Variants in SLC38A6 observed in about 807,000 individuals in gnomAD.
SLC38A6 encodes solute carrier family 38 member 6, also known as N system amino acid transporter NAT-1.
SLC38A6 carries 73 observed loss-of-function variants against 65.0 expected under a neutral mutation model. The observed-to-expected ratio is 1.12, with a 90% confidence interval of 0.93 to 1.37. The LOEUF (loss-of-function observed/expected upper bound fraction) is 1.37, where lower values mean the gene tolerates loss of function less well. Ranked by LOEUF, SLC38A6 falls within the 40% of genes most tolerant of loss-of-function variation. SLC38A6 has a pLI of 0.00. For synonymous variants in SLC38A6, 183 were observed against 178.8 expected (o/e 1.02, Z -0.19); for missense variants, 561 against 531.1 (o/e 1.06, Z -0.55).
chr14:61,078,665 G>T (rs1364011228), intron 15 of SLC38A6: 1 of 153,184 alleles, frequency 6.5e-6, no homozygotes, highest in Non-Finnish European at 1.4e-5. Flanking sequence ...CTGGGCATAT[G>T]AGGAACTTTT....
At chr14:61,037,536 T>A (rs2041479226) in intron 7 of SLC38A6, 89 bp from the exon 8 acceptor site, 3 of 889,202 alleles carry the variant, frequency 3.4e-6, no homozygotes, top group African/African-American at 3.4e-5. Flanking sequence ...ACCACTATAA[T>A]AGAAAACATG....
chr14:61,052,044 C>T lies in SLC38A6; in HGVS notation c.1199C>T (p.Ala400Val). The change falls in exon 15 of 16, where the codon GCC (alanine) becomes GTC (valine). Residue 400 changes from alanine to valine, a missense_variant. Physicochemically the swap from Ala to Val is moderately conservative, Grantham distance 64. Transcript: ENST00000267488. ...DIRNVFGVVG[A>V]STSTCLIFIF... Reference sequence around the variant, plus strand: ...TTTTTTTCCCTCCACTTTAAAGGTGCCAGTACATCAACATGTTTGATTTTT... The same window carrying T: ...TTTTTTTCCCTCCACTTTAAAGGTGTCAGTACATCAACATGTTTGATTTTT... The T allele has an allele frequency of 6.3e-7, 1 of 1,599,276 alleles. No individual in the cohort carries two copies. The highest frequency in any genetic ancestry group is 8.5e-7 in the Non-Finnish European group (1 of 1,175,362).
intron 3 of SLC38A6, among the ~76,000 whole-genome samples, chr14:61,002,856 A>G (rs570546122): frequency 6.6e-6 from 1 of 152,202 alleles, no homozygotes; most frequent in African/African-American, 2.4e-5. Flanking sequence ...CATGCCAAGT[A>G]CTGTTTGTAT....
chr14:61,063,577 AAGT>A (rs1178703995), intron 15 of SLC38A6, among the ~76,000 whole-genome samples: 2 of 152,208 alleles, frequency 1.3e-5, no homozygotes, highest in Non-Finnish European at 2.9e-5. Context: ...TACACATGTA[AAGT>A]AGAGAATTGC....
At chr14:61,006,103 G>A (rs1291473428) in intron 3 of SLC38A6, among the ~76,000 whole-genome samples, 1 of 152,176 alleles carries the variant, frequency 6.6e-6, no homozygotes, top group African/African-American at 2.4e-5. Flanking sequence ...AATAAATGGT[G>A]CTGGGAAAAC....
At chr14:61,037,875 G>A (rs1335565243) in intron 8 of SLC38A6, among the ~76,000 whole-genome samples, 192 bp downstream of exon 8, 1 of 152,134 alleles carries the variant, frequency 6.6e-6, no homozygotes, top group Non-Finnish European at 1.5e-5. Context: ...AGCTAGAACA[G>A]CATTTCAAAT....
At chr14:61,064,430 C>T (rs2042958433) in intron 15 of SLC38A6, among the ~76,000 whole-genome samples, 1 of 151,974 alleles carries the variant, frequency 6.6e-6, no homozygotes, top group Non-Finnish European at 1.5e-5. Flanking sequence ...TCAATTAATA[C>T]ATTTGTCACC....
At chr14:61,003,961 T>G (rs1008978677) in intron 3 of SLC38A6, among the ~76,000 whole-genome samples, 1 of 152,168 alleles carries the variant, frequency 6.6e-6, no homozygotes, top group East Asian at 1.9e-4. Flanking sequence ...GGAAGTTTGC[T>G]GCATTTAGAG....
Position 61,051,949 on chromosome 14 carries a change from A to G in SLC38A6, c.1195+18A>G. The stretch of plus-strand genomic sequence containing the variant: ...TGTAGTTGGTAAGTTTTCTGTTTCA[A>G]AAAGTTCACATAATAAAATTGATAA... On this transcript the variant is annotated intron_variant, in intron 14 of 15. Transcript: ENST00000267488. 6.2e-7 allele frequency: 1 copy of G among 1,605,188 alleles called. No individual in the cohort carries two copies. Among genetic ancestry groups the G allele is most frequent in the South Asian group, 1.1e-5 (1 of 88,082 alleles).
At chr14:61,071,886 T>G (rs1215129198) in intron 15 of SLC38A6, among the ~76,000 whole-genome samples, 3 of 152,170 alleles carry the variant, frequency 2.0e-5, no homozygotes, top group Non-Finnish European at 2.9e-5. Flanking sequence ...CAGTAAATAT[T>G]TGTTAAATCT....
intron 10 of SLC38A6, 54 bp downstream of exon 10, chr14:61,043,557 A>G: frequency 7.2e-7 from 1 of 1,391,662 alleles, no homozygotes. Flanking sequence ...TTCAAGTTTT[A>G]AGAGGTTTGT....
intron 16 of SLC38A6, among the ~76,000 whole-genome samples, chr14:61,081,980 A>G (rs1216027084): frequency 1.3e-5 from 2 of 152,130 alleles, no homozygotes; most frequent in Admixed American, 6.5e-5. Flanking sequence ...TGCCTCAGGA[A>G]GATGCCACAT....
chr14:61,024,888 A>T (rs1311479841), intron 5 of SLC38A6, among the ~76,000 whole-genome samples: 2 of 152,094 alleles, frequency 1.3e-5, no homozygotes, highest in Admixed American at 6.5e-5. Flanking sequence ...TCCTAGGGGG[A>T]TGTTATATTC....
At chr14:61,046,272 T>C in intron 12 of SLC38A6, 105 bp downstream of exon 12, 3 of 698,660 alleles carry the variant, frequency 4.3e-6, no homozygotes, top group African/African-American at 1.8e-5. Flanking sequence ...GTTAATTTGC[T>C]CAGATCACCA....
chr14:61,016,490 C>T (rs1231013872), intron 4 of SLC38A6, among the ~76,000 whole-genome samples: 1 of 152,114 alleles, frequency 6.6e-6, no homozygotes, highest in African/African-American at 2.4e-5. Context: ...AAAGCCAGTA[C>T]CACATCCTAG....
At chr14:61,063,755 G>A (rs1358810832) in intron 15 of SLC38A6, among the ~76,000 whole-genome samples, 1 of 152,164 alleles carries the variant, frequency 6.6e-6, no homozygotes, top group Non-Finnish European at 1.5e-5. Flanking sequence ...AAAAGACCAA[G>A]CTCTTGGGTT....
chr14:61,062,843 G>C (rs893169509), intron 15 of SLC38A6, among the ~76,000 whole-genome samples: 7 of 152,114 alleles, frequency 4.6e-5, no homozygotes, highest in African/African-American at 1.7e-4. Flanking sequence ...ACCACACCCA[G>C]CTAATTTTTG....
intron 3 of SLC38A6, among the ~76,000 whole-genome samples, chr14:61,000,297 A>C (rs2038615405): frequency 6.6e-6 from 1 of 152,256 alleles, no homozygotes; most frequent in Non-Finnish European, 1.5e-5. Context: ...TTCCAAAATA[A>C]ACATGCAAGG....
chr14:60,992,206 A>T (rs145784573), intron 3 of SLC38A6, among the ~76,000 whole-genome samples: 1 of 152,200 alleles, frequency 6.6e-6, no homozygotes, highest in Non-Finnish European at 1.5e-5. Context: ...CTGCCGAAAC[A>T]TATCAGCTAC....
Sources: allele counts gnomAD v4.1 joint callset (sites outside exome capture counted in the v4.1 genomes callset), GRCh38; gene constraint gnomAD v4.1.1; transcripts MANE v1.5; gene names NCBI Gene and HGNC (gene_info 2026-07-23, HGNC 2026-07-21).